The following IDO2 variants were observed in gnomAD, a reference collection of about 807,000 sequenced individuals.
IDO2 encodes the protein indoleamine 2,3-dioxygenase-like 1 protein.
In IDO2, 46 loss-of-function variants were observed where a neutral mutation model predicts 45.1. The ratio of observed to expected loss-of-function variants is 1.02; its 90% CI spans 0.80 to 1.30. The LOEUF (loss-of-function observed/expected upper bound fraction) is 1.30, where lower values mean the gene tolerates loss of function less well. Among genes scored for constraint, IDO2 ranks in the 50% most tolerant of loss-of-function variants. IDO2 has a pLI of 0.00. For synonymous variants in IDO2, 218 were observed against 184.9 expected (o/e 1.18, Z -1.45); for missense variants, 544 against 491.8 (o/e 1.11, Z -1.00).
At chr8:40,004,730 A>C (rs1247350461) in intron 8 of IDO2, among the ~76,000 whole-genome samples, 1 of 152,224 alleles carries the variant, frequency 6.6e-6, no homozygotes, top group Non-Finnish European at 1.5e-5. Flanking sequence ...GCTTCCTTAC[A>C]TACAAGTTAG....
intron 7 of IDO2, 70 bp from the exon 8 acceptor site, chr8:39,989,651 T>G: frequency 1.8e-6 from 2 of 1,088,576 alleles, no homozygotes; most frequent in Non-Finnish European, 1.3e-6. Context: ...TCCAACAGTA[T>G]GAGGCTTACT....
At position 39,988,502 on chromosome 8, in the gene IDO2, G is replaced by T. The variant is rs1409442266; in HGVS notation, c.549+532G>T. 2.6e-5 allele frequency among the ~76,000 whole-genome samples: 4 copies of T among 152,172 alleles called. No individual in the cohort carries two copies. The East Asian group carries it at 7.7e-4, about 29-fold the overall frequency. On this transcript the variant is annotated intron_variant, in intron 7 of 10. Coordinates refer to ENST00000502986, the Ensembl canonical transcript of IDO2. Reference sequence around the variant, plus strand: ...GCCAGAGTGCAATGGCGTGGTTTTAGCTCACTGCAATCTCCACCTCCCAGG... The same window carrying T: ...GCCAGAGTGCAATGGCGTGGTTTTATCTCACTGCAATCTCCACCTCCCAGG...
At chr8:39,998,562 G>A (rs1312845240) in intron 8 of IDO2, 3 of 151,612 alleles carry the variant, frequency 2.0e-5, no homozygotes, top group Non-Finnish European at 4.4e-5. Context: ...GACTGCAAGG[G>A]AATCAGTTCC....
Position 39,940,234 on chromosome 8 carries a change from A to G in IDO2, c.-18+5016A>G, listed in dbSNP as rs545857332. Among the ~76,000 whole-genome samples, 22 of 152,316 alleles carry G rather than the reference A, an allele frequency of 1.4e-4. No homozygotes were observed. The East Asian group carries it at 3.1e-3, about 21-fold the overall frequency. The stretch of plus-strand genomic sequence containing the variant: ...AAAGCAGCGTGACCGAAAGCAGTAC[A>G]AAGTTCTACCGGACACGCAGATCCC... On this transcript the variant is annotated intron_variant, in intron 1 of 10. Coordinates refer to ENST00000502986, the Ensembl canonical transcript of IDO2.
chr8:40,007,710 G>A (rs1056332347), intron 9 of IDO2, among the ~76,000 whole-genome samples: 20 of 152,106 alleles, frequency 1.3e-4, no homozygotes, highest in East Asian at 1.9e-4. Context: ...CCCTTGTTAC[G>A]TAACAATTTA....
At chr8:40,016,239 C>G (rs2129595712) in exon 11 of IDO2, 1 of 398,102 alleles carries the variant, frequency 2.5e-6, no homozygotes, top group African/African-American at 2.1e-5. Flanking sequence ...TATTGTAATG[C>G]CTTTATTTTT....
chr8:39,951,267 A>C, intron 2 of IDO2, among the ~76,000 whole-genome samples: 1 of 120,176 alleles, frequency 8.3e-6, no homozygotes, highest in Admixed American at 1.0e-4. Flanking sequence ...GCAACATCGG[A>C]CCCCAAGATT....
intron 1 of IDO2, among the ~76,000 whole-genome samples, chr8:39,939,809 CA>C (rs1807616797): frequency 6.6e-6 from 1 of 151,818 alleles, no homozygotes; most frequent in Admixed American, 6.6e-5. Flanking sequence ...ATGAACTGGG[CA>C]AAAACACTCA....
chr8:39,938,860 T>C (rs1807596783), intron 1 of IDO2, among the ~76,000 whole-genome samples: 2 of 152,068 alleles, frequency 1.3e-5, no homozygotes, highest in Non-Finnish European at 2.9e-5. Context: ...CATTAGGAAA[T>C]TGCAAATTAA....
chr8:39,981,899 C>T (rs1278194578), intron 4 of IDO2, among the ~76,000 whole-genome samples: 2 of 152,074 alleles, frequency 1.3e-5, no homozygotes, highest in South Asian at 2.1e-4. Context: ...GATAAAGAGC[C>T]GTGGAGGGTT....
chr8:40,013,751 G>A (rs777333257), intron 10 of IDO2, 38 bp downstream of exon 10: 1 of 1,426,310 alleles, frequency 7.0e-7, no homozygotes, highest in Non-Finnish European at 9.2e-7. Context: ...AGAGTAGAGG[G>A]AGGAAGAGGA....
rs58555344 is a variant in IDO2 at position 39,982,575 on chromosome 8, A to G, written c.316-77A>G. 126 of 1,016,028 alleles carry G rather than the reference A, an allele frequency of 1.2e-4. No homozygotes were observed. In the African/African-American group the frequency reaches 1.8e-3, roughly 14 times the overall value. 62.9% of individuals were successfully genotyped at this position (1,016,028 alleles called of 1,614,324 possible). A position where few individuals can be genotyped will look rare whatever the true frequency, so the allele number is the denominator to read the frequency against. ...ATTTCTGTACCACAGGATTGCCGAA[A>G]TAAAAGACAACCATGGTTATTTCCT... On this transcript the variant is annotated intron_variant, in intron 4 of 10. Coordinates refer to ENST00000502986, the Ensembl canonical transcript of IDO2.
intron 1 of IDO2, among the ~76,000 whole-genome samples, chr8:39,935,422 CTGGTTGTTG>C (rs1221542359): frequency 8.4e-6 from 1 of 118,970 alleles, no homozygotes; most frequent in Non-Finnish European, 1.8e-5. Flanking sequence ...CATTACTTTT[CTGGTTGTTG>C]TTGTTGTTGT....
At chr8:39,998,860 G>A (rs1802092784) in intron 8 of IDO2, among the ~76,000 whole-genome samples, 1 of 151,686 alleles carries the variant, frequency 6.6e-6, no homozygotes, top group Admixed American at 6.6e-5. Flanking sequence ...CAAGGCTGGT[G>A]TCAAACTCCT....
chr8:40,015,676 C>A, exon 11 of IDO2: 1 of 1,036,674 alleles, frequency 9.6e-7, no homozygotes, highest in Non-Finnish European at 1.5e-6. Context: ...GGTCAGGGTT[C>A]TGCCTGGGAT....
intron 9 of IDO2, among the ~76,000 whole-genome samples, chr8:40,009,976 GA>G (rs1457439077): frequency 6.6e-6 from 1 of 152,118 alleles, no homozygotes; most frequent in Non-Finnish European, 1.5e-5. Flanking sequence ...CTAGGTGCTG[GA>G]AATAGAGCAG....
chr8:40,001,650 A>G lies in IDO2; in HGVS notation c.668-3677A>G, dbSNP rs563450390. On this transcript the variant is annotated intron_variant, in intron 8 of 10. Coordinates refer to ENST00000502986, the Ensembl canonical transcript of IDO2. ...GATTTTTGTTAATTGTATGTGTTGCATTTTTTATGGTTTGTCTTATGCCTT... is the reference window on the plus strand; with the variant it reads ...GATTTTTGTTAATTGTATGTGTTGCGTTTTTTATGGTTTGTCTTATGCCTT... 2.6e-5 allele frequency among the ~76,000 whole-genome samples: 4 copies of G among 151,796 alleles called. No homozygotes were observed. In the South Asian group the frequency reaches 6.3e-4, roughly 24 times the overall value.
At chr8:39,952,717 A>G (rs939640140) in intron 2 of IDO2, among the ~76,000 whole-genome samples, 1 of 152,110 alleles carries the variant, frequency 6.6e-6, no homozygotes, top group African/African-American at 2.4e-5. Context: ...CAAGAAGGTT[A>G]CAGCAGGAGA....
intron 3 of IDO2, among the ~76,000 whole-genome samples, chr8:39,966,182 C>T (rs1190784799): frequency 2.6e-5 from 4 of 151,984 alleles, no homozygotes; most frequent in Non-Finnish European, 5.9e-5. Flanking sequence ...GCACCCGCCA[C>T]CATGCCCATG....
Sources: allele counts gnomAD v4.1 joint callset (sites outside exome capture counted in the v4.1 genomes callset), GRCh38; gene constraint gnomAD v4.1.1; transcripts MANE v1.5; gene names NCBI Gene and HGNC (gene_info 2026-07-23, HGNC 2026-07-21).